Variants in RORB observed in about 807,000 individuals in gnomAD.
RORB encodes the protein nuclear receptor ROR-beta.
Under a neutral mutation model 59.1 loss-of-function variants are expected in RORB, and 6 were observed. The ratio of observed to expected loss-of-function variants is 0.10; its 90% CI spans 0.06 to 0.20. The LOEUF (loss-of-function observed/expected upper bound fraction) is 0.20. RORB is among the 10% of genes least tolerant of loss of function. The pLI is 1.00. For missense variants in RORB, 320 were observed against 560.5 expected (o/e 0.57, Z 4.33); for synonymous variants, 215 against 204.5 (o/e 1.05, Z -0.44).
intron 7 of RORB, among the ~76,000 whole-genome samples, chr9:74,667,488 A>G (rs1824286061): frequency 6.6e-6 from 1 of 152,192 alleles, no homozygotes; most frequent in Non-Finnish European, 1.5e-5. Context: ...ATCATTTCAA[A>G]TTTATAAGGA....
At position 74,497,711 on chromosome 9, in the gene RORB, AT is replaced by A. The variant is rs201358985; in HGVS notation, c.-257del. 635 of 499,280 alleles carry A rather than the reference AT, an allele frequency of 1.3e-3. No individual in the cohort carries two copies. Among genetic ancestry groups the A allele is most frequent in the Non-Finnish European group, 1.5e-3 (410 of 279,722 alleles). 30.9% of individuals were successfully genotyped at this position (499,280 alleles called of 1,614,324 possible). A position where few individuals can be genotyped will look rare whatever the true frequency, so the allele number is the denominator to read the frequency against. ...AACCCAGGCACCAGACAGCCAGAACATTTTTTTTTCACCCTTCCTGAAAACA... is the reference window on the plus strand; with the variant it reads ...AACCCAGGCACCAGACAGCCAGAACATTTTTTTTCACCCTTCCTGAAAACA... On this transcript the variant is annotated 5_prime_UTR_variant, in exon 1 of 10. Coordinates refer to ENST00000376896, the MANE Select transcript of RORB (RefSeq NM_006914.4).
In RORB at chr9:74,524,660, A is replaced by T. The variant is rs752559104; in HGVS notation, c.7+26677A>T. On this transcript the variant is annotated intron_variant, in intron 1 of 9. Transcript: ENST00000376896. ...ATGTAAATACTTTTTTTTAACCACT[A>T]TTGATTCTTTCCTTGTCGGGTAATC... 3.9e-5 allele frequency among the ~76,000 whole-genome samples: 6 copies of T among 151,908 alleles called. No homozygotes were observed. In the South Asian group the frequency reaches 1.2e-3, roughly 31 times the overall value.
At chr9:74,592,690 G>A (rs918442859) in intron 1 of RORB, among the ~76,000 whole-genome samples, 2 of 152,008 alleles carry the variant, frequency 1.3e-5, no homozygotes, top group African/African-American at 4.8e-5. Context: ...AGAATCACAG[G>A]TACTATCAAA....
intron 1 of RORB, among the ~76,000 whole-genome samples, chr9:74,595,772 T>C (rs560770561): frequency 7.2e-5 from 11 of 152,306 alleles, no homozygotes; most frequent in African/African-American, 1.9e-4. Flanking sequence ...AAATTTCCTC[T>C]CTATGGGAAG....
rs146654664 is a variant in RORB at position 74,557,447 on chromosome 9, T to C, written c.7+59464T>C. Among the ~76,000 whole-genome samples the C allele has an allele frequency of 1.8e-3, 275 of 152,184 alleles. 2 individuals carry two copies. The highest frequency in any genetic ancestry group is 5.4e-3 in the Admixed American group (82 of 15,270). On this transcript the variant is annotated intron_variant, in intron 1 of 9. Coordinates refer to ENST00000376896, the MANE Select transcript of RORB (RefSeq NM_006914.4). ...AAGAGAACAATCTGAACCTTAATGGTATTGAACCTTGAGCTTTTCCTATCT... is the reference window on the plus strand; with the variant it reads ...AAGAGAACAATCTGAACCTTAATGGCATTGAACCTTGAGCTTTTCCTATCT...
chr9:74,549,948 G>A (rs1250477959), intron 1 of RORB, among the ~76,000 whole-genome samples: 2 of 151,826 alleles, frequency 1.3e-5, no homozygotes, highest in Non-Finnish European at 2.9e-5. Flanking sequence ...CAGGCTGGTC[G>A]CGAACTCCTG....
intron 1 of RORB, among the ~76,000 whole-genome samples, chr9:74,570,786 T>A (rs1381118867): frequency 2.0e-5 from 3 of 152,110 alleles, no homozygotes; most frequent in African/African-American, 7.2e-5. Flanking sequence ...GTTCAATACA[T>A]GCCGTTTGAT....
At chr9:74,539,123 G>C (rs1826366283) in intron 1 of RORB, among the ~76,000 whole-genome samples, 2 of 152,068 alleles carry the variant, frequency 1.3e-5, no homozygotes, top group African/African-American at 4.8e-5. Context: ...GAAATACCAA[G>C]TTAAATTTTA....
intron 3 of RORB, among the ~76,000 whole-genome samples, chr9:74,635,099 T>C (rs564162237): frequency 6.6e-6 from 1 of 152,148 alleles, no homozygotes; most frequent in Admixed American, 6.5e-5. Flanking sequence ...CATGAGACTT[T>C]CAGAGATAAT....
chr9:74,502,749 C>T (rs1825819431), intron 1 of RORB, among the ~76,000 whole-genome samples: 1 of 152,042 alleles, frequency 6.6e-6, no homozygotes, highest in East Asian at 1.9e-4. Context: ...AAATTTAAGC[C>T]TTACGACTAA....
At chr9:74,655,375 A>G (rs1563965586) in intron 4 of RORB, among the ~76,000 whole-genome samples, 1 of 152,230 alleles carries the variant, frequency 6.6e-6, no homozygotes, top group Non-Finnish European at 1.5e-5. Context: ...AGCACAGAGC[A>G]TACTGACTTC....
At chr9:74,617,824 C>T (rs1823337705) in intron 1 of RORB, among the ~76,000 whole-genome samples, 1 of 152,126 alleles carries the variant, frequency 6.6e-6, no homozygotes, top group Non-Finnish European at 1.5e-5. Flanking sequence ...TTCTGTATGT[C>T]TCCTTTTCAA....
chr9:74,651,612 A>G (rs777209801), intron 4 of RORB, among the ~76,000 whole-genome samples: 1 of 152,278 alleles, frequency 6.6e-6, no homozygotes, highest in East Asian at 1.9e-4. Context: ...AGACCTTAGA[A>G]AACATCGCTG....
intron 1 of RORB, among the ~76,000 whole-genome samples, chr9:74,579,967 C>A (rs1198373771): frequency 6.6e-6 from 1 of 152,126 alleles, no homozygotes; most frequent in African/African-American, 2.4e-5. Flanking sequence ...GAGAGATAAA[C>A]CACATTCATA....
At chr9:74,561,933 T>A (rs1255485774) in intron 1 of RORB, among the ~76,000 whole-genome samples, 8 of 152,176 alleles carry the variant, frequency 5.3e-5, no homozygotes, top group Non-Finnish European at 5.9e-5. Context: ...AGGTATTATG[T>A]AGAATGTCAC....
chr9:74,619,241 T>C (rs868261180), intron 1 of RORB, among the ~76,000 whole-genome samples: 15 of 152,204 alleles, frequency 9.9e-5, no homozygotes, highest in Middle Eastern at 3.2e-3. Flanking sequence ...TTCCAAGACC[T>C]GGCTCAAAAG....
chr9:74,626,020 C>A (rs1170440764), intron 1 of RORB, among the ~76,000 whole-genome samples: 1 of 152,208 alleles, frequency 6.6e-6, no homozygotes, highest in East Asian at 1.9e-4. Flanking sequence ...AATCTTAACA[C>A]CTGCTGTTAC....
chr9:74,544,895 A>C (rs906886363), intron 1 of RORB, among the ~76,000 whole-genome samples: 6 of 152,212 alleles, frequency 3.9e-5, no homozygotes, highest in African/African-American at 1.2e-4. Flanking sequence ...TAGAATTTGC[A>C]TTCAGCATGG....
intron 1 of RORB, among the ~76,000 whole-genome samples, chr9:74,580,261 T>C (rs1286915173): frequency 3.3e-5 from 5 of 152,124 alleles, no homozygotes; most frequent in Admixed American, 2.0e-4. Context: ...GAGGAAGTCA[T>C]CAGCCAGTGT....
Sources: allele counts gnomAD v4.1 joint callset (sites outside exome capture counted in the v4.1 genomes callset), GRCh38; gene constraint gnomAD v4.1.1; transcripts MANE v1.5; gene names NCBI Gene and HGNC (gene_info 2026-07-23, HGNC 2026-07-21).